Variants in PHACTR4 observed in about 807,000 individuals in gnomAD.
The protein encoded by PHACTR4 is protein phosphatase 1, regulatory subunit 124.
In PHACTR4, 51 loss-of-function variants were observed where a neutral mutation model predicts 72.7. The ratio of observed to expected loss-of-function variants is 0.70; its 90% CI spans 0.56 to 0.89. PHACTR4 has a LOEUF of 0.89. Among genes scored for constraint, PHACTR4 ranks in the 40% least tolerant of loss-of-function variants. PHACTR4 has a pLI of 0.00. For synonymous variants in PHACTR4, 255 were observed against 302.5 expected, an observed-to-expected ratio of 0.84 and a Z score of 1.63; for missense variants, 731 against 861.8, an observed-to-expected ratio of 0.85 and a Z score of 1.90.
chr1:28,395,671 A>C (rs1184481620), intron 1 of PHACTR4, among the ~76,000 whole-genome samples: 21 of 133,626 alleles, frequency 1.6e-4, no homozygotes, highest in African/African-American at 5.3e-4. Flanking sequence ...TCAGAGTCTC[A>C]CTCTGTCGCC....
At chr1:28,447,713 G>C (rs1180162291) in intron 2 of PHACTR4, among the ~76,000 whole-genome samples, 1 of 152,078 alleles carries the variant, frequency 6.6e-6, no homozygotes, top group Non-Finnish European at 1.5e-5. Context: ...CAGTGGTAAA[G>C]CAACTTCACT....
intron 2 of PHACTR4, among the ~76,000 whole-genome samples, chr1:28,449,983 A>G (rs1227287936): frequency 6.6e-6 from 1 of 152,196 alleles, no homozygotes; most frequent in African/African-American, 2.4e-5. Flanking sequence ...TTAATGATGT[A>G]AGAAACAAGC....
At chr1:28,447,716 A>G (rs1240938302) in intron 2 of PHACTR4, among the ~76,000 whole-genome samples, 14 of 152,082 alleles carry the variant, frequency 9.2e-5, no homozygotes, top group Admixed American at 7.9e-4. Flanking sequence ...TGGTAAAGCA[A>G]CTTCACTTCT....
chr1:28,465,905 A>G (rs1278436962), intron 5 of PHACTR4, 56 bp downstream of exon 5: 2 of 1,517,806 alleles, frequency 1.3e-6, no homozygotes, highest in South Asian at 1.2e-5. Flanking sequence ...TTCTCCTTAC[A>G]TAAGGGGTTT....
At chr1:28,395,431 G>A (rs1023239196) in intron 1 of PHACTR4, among the ~76,000 whole-genome samples, 4 of 152,032 alleles carry the variant, frequency 2.6e-5, no homozygotes, top group African/African-American at 9.7e-5. Context: ...GGATTAGCAC[G>A]CAATGCTTTT....
chr1:28,450,767 A>C (rs189360126), intron 2 of PHACTR4, among the ~76,000 whole-genome samples: 2 of 151,748 alleles, frequency 1.3e-5, no homozygotes, highest in African/African-American at 4.8e-5. Context: ...CTGCAGGTGC[A>C]TGCCACCACG....
chr1:28,388,555 T>TA (rs1189867285), intron 1 of PHACTR4, among the ~76,000 whole-genome samples: 1 of 152,010 alleles, frequency 6.6e-6, no homozygotes, highest in Non-Finnish European at 1.5e-5. Context: ...CTCACCATCT[T>TA]AAAAAATCAA....
chr1:28,491,795 G>A lies in PHACTR4; in HGVS notation c.2016+8G>A. 1 of 1,610,776 alleles carries A rather than the reference G, an allele frequency of 6.2e-7. No homozygotes were observed. The highest frequency in any genetic ancestry group is 8.5e-7 in the Non-Finnish European group (1 of 1,178,778). ...CTGACCCCTGCTGACAAGGTACCTG[G>A]AAAGCACTCTCTTGCTTTTTTTCTC... On this transcript the variant is annotated splice_region_variant and intron_variant, in intron 12 of 13. Coordinates refer to ENST00000373839, the MANE Select transcript of PHACTR4 (RefSeq NM_001048183.3).
chr1:28,491,555 C>T (rs1661037576), intron 11 of PHACTR4, 95 bp from the exon 12 acceptor site: 2 of 1,518,282 alleles, frequency 1.3e-6, no homozygotes, highest in African/African-American at 1.4e-5. Context: ...CAGGTGATTC[C>T]AATGAAGATT....
intron 6 of PHACTR4, among the ~76,000 whole-genome samples, chr1:28,468,808 A>G (rs1243886860): frequency 6.6e-6 from 1 of 152,144 alleles, no homozygotes; most frequent in Admixed American, 6.6e-5. Context: ...TTGCCTTTCT[A>G]ATAGGTTCCC....
intron 2 of PHACTR4, among the ~76,000 whole-genome samples, chr1:28,421,788 A>G (rs533197610): frequency 6.6e-6 from 1 of 152,314 alleles, no homozygotes; most frequent in Non-Finnish European, 1.5e-5. Flanking sequence ...AAGGAAGGAC[A>G]TTCCTGCTAG....
chr1:28,376,417 G>T (rs1651675145), intron 1 of PHACTR4, among the ~76,000 whole-genome samples: 1 of 151,476 alleles, frequency 6.6e-6, no homozygotes, highest in Admixed American at 6.6e-5. Context: ...CCAGGCTCAA[G>T]CACTCCTCCC....
intron 2 of PHACTR4, among the ~76,000 whole-genome samples, chr1:28,449,850 TA>T (rs67892895): frequency 0.11 from 14,463 of 137,718 alleles, 1,453 homozygotes; most frequent in African/African-American, 0.28. Flanking sequence ...ACACTCTGTA[TA>T]AAAAAAAAAA....
At chr1:28,483,489 T>G (rs1406649017) in intron 9 of PHACTR4, among the ~76,000 whole-genome samples, 1 of 151,014 alleles carries the variant, frequency 6.6e-6, no homozygotes, top group African/African-American at 2.4e-5. Flanking sequence ...TATGGTAGTT[T>G]GAAAAATTAC....
chr1:28,478,740 C>T (rs559829824), intron 8 of PHACTR4, among the ~76,000 whole-genome samples: 28 of 151,898 alleles, frequency 1.8e-4, no homozygotes, highest in Non-Finnish European at 3.1e-4. Context: ...AGGCATGAGC[C>T]ACCGTGACTG....
At chr1:28,471,147 A>C (rs1391385153) in intron 6 of PHACTR4, among the ~76,000 whole-genome samples, 2 of 152,176 alleles carry the variant, frequency 1.3e-5, no homozygotes, top group Non-Finnish European at 2.9e-5. Flanking sequence ...CGGGAGTTCA[A>C]GACCAGCCTG....
At position 28,489,188 on chromosome 1, in the gene PHACTR4, A is replaced by T; in HGVS notation, c.1779A>T (p.Pro593=). The change falls in exon 10 of 14, where the codon CCA becomes CCT. Residue 593 remains proline, a synonymous_variant. Coordinates refer to ENST00000373839, the MANE Select transcript of PHACTR4 (RefSeq NM_001048183.3). The part of the protein sequence containing the change: ...NTLIRRLSQR[P]TPEELEQRNI... ...TTTTTAGGCGACTGAGTCAAAGACC[A>T]ACACCAGAAGAACTAGAACAACGCA... 6.2e-7 allele frequency: 1 copy of T among 1,613,072 alleles called. No individual in the cohort carries two copies. The highest frequency in any genetic ancestry group is 2.2e-5 in the East Asian group (1 of 44,852).
Position 28,382,645 on chromosome 1 carries a change from G to A in PHACTR4, c.-39+12820G>A, listed in dbSNP as rs562648505. Among the ~76,000 whole-genome samples the A allele has an allele frequency of 2.6e-5, 4 of 152,078 alleles. No homozygotes were observed. In the South Asian group the frequency reaches 8.3e-4, roughly 32 times the overall value. On this transcript the variant is annotated intron_variant, in intron 1 of 13. Coordinates refer to ENST00000373839, the MANE Select transcript of PHACTR4 (RefSeq NM_001048183.3). ...CCATTTTTATGTCCAGAATGGTATT[G>A]CCTAGCTTGTCTTCCAGGGTTTTTG...
chr1:28,460,071 A>C (rs1658683145), intron 3 of PHACTR4, 141 bp from the exon 4 acceptor site: 1 of 508,766 alleles, frequency 2.0e-6, no homozygotes, highest in African/African-American at 2.0e-5. Flanking sequence ...TTTAATTTGA[A>C]GTTAGTCTGC....
Sources: gnomAD v4.1 joint callset for allele counts (sites outside exome capture counted in the v4.1 genomes callset) on GRCh38, gnomAD v4.1.1 for gene constraint, MANE v1.5 for transcripts, NCBI Gene and HGNC (gene_info 2026-07-23, HGNC 2026-07-21) for gene names.